Variants in PLD5 observed in about 807,000 individuals in gnomAD.
PLD5 encodes the protein phospholipase D family member 5.
Under a neutral mutation model 61.1 loss-of-function variants are expected in PLD5, and 36 were observed. The ratio of observed to expected loss-of-function variants is 0.59; its 90% CI spans 0.45 to 0.78. The LOEUF (loss-of-function observed/expected upper bound fraction) is 0.78. Among genes scored for constraint, PLD5 ranks in the 30% least tolerant of loss-of-function variants. The pLI is 0.00. For missense variants in PLD5, 515 were observed against 644.4 expected, an observed-to-expected ratio of 0.80 and a Z score of 2.17; for synonymous variants, 243 against 242.8, an observed-to-expected ratio of 1.00 and a Z score of -0.01.
chr1:242,210,444 G>T (rs1254884211), intron 5 of PLD5: 1 of 156,298 alleles, frequency 6.4e-6, no homozygotes, highest in African/African-American at 2.4e-5. Flanking sequence ...CTTAACTGAT[G>T]ACATTCCACC....
At chr1:242,501,790 T>TTATATATATA (rs10648981) in intron 1 of PLD5, among the ~76,000 whole-genome samples, 36 of 147,202 alleles carry the variant, frequency 2.4e-4, no homozygotes, top group East Asian at 2.0e-3. Flanking sequence ...TAATATTCCA[T>TTATATATATA]TATATATATA....
rs1236762289 is a variant in PLD5, at chr1:242,215,189, ATACATCTTCTTTT to A, written c.735+4786_735+4798del. ...AGGTGTGAGCCACCGTGCCCAGCCT[ATACATCTTCTTTT>A]AACTTTTGCATTTATATGATGGCCC... On this transcript the variant is annotated intron_variant, in intron 5 of 9. Coordinates refer to ENST00000536534, the MANE Select transcript of PLD5 (RefSeq NM_001372062.1). 1.0e-4 allele frequency among the ~76,000 whole-genome samples: 15 copies of A among 149,078 alleles called. No individual in the cohort carries two copies. The Admixed American group carries it at 1.0e-3, about 10-fold the overall frequency.
chr1:242,300,835 A>G (rs1675998249), intron 2 of PLD5, among the ~76,000 whole-genome samples: 1 of 152,088 alleles, frequency 6.6e-6, no homozygotes, highest in Admixed American at 6.6e-5. Flanking sequence ...AGCTTGAACC[A>G]CCGTGTGAAT....
chr1:242,139,471 T>A (rs1390157386), intron 5 of PLD5, among the ~76,000 whole-genome samples: 1 of 152,050 alleles, frequency 6.6e-6, no homozygotes, highest in Non-Finnish European at 1.5e-5. Flanking sequence ...GCTCTCGAAC[T>A]GCTTCCTGTG....
At chr1:242,484,828 G>A (rs182090814) in intron 1 of PLD5, among the ~76,000 whole-genome samples, 40 of 152,208 alleles carry the variant, frequency 2.6e-4, no homozygotes, top group Admixed American at 1.4e-3. Context: ...CTGGCAAACC[G>A]AATCCAACAG....
chr1:242,301,414 T>C (rs1173938999), intron 2 of PLD5, among the ~76,000 whole-genome samples: 1 of 152,086 alleles, frequency 6.6e-6, no homozygotes, highest in Admixed American at 6.5e-5. Flanking sequence ...GGCAAAAGGA[T>C]TATTTTGAGC....
chr1:242,241,991 C>CTATATATATATATA (rs71579089), intron 4 of PLD5, among the ~76,000 whole-genome samples: 1 of 115,318 alleles, frequency 8.7e-6, no homozygotes, highest in African/African-American at 3.3e-5. Context: ...TATATACTTA[C>CTATATATATATATA]TATATATATA....
At position 242,112,321 on chromosome 1, in the gene PLD5, G is replaced by GTA. The variant is rs1310365523; in HGVS notation, c.1070+1568_1070+1569insTA. On this transcript the variant is annotated intron_variant, in intron 7 of 9. Transcript: ENST00000536534. ...TGTGTGTGTGTGTGTGTGTGTGTGT[G>GTA]TGTATGTATGTATATGTGTATATAT... 2.1e-4 allele frequency among the ~76,000 whole-genome samples: 17 copies of GTA among 82,514 alleles called. No individual in the cohort carries two copies. In the South Asian group the frequency reaches 5.7e-3, roughly 28 times the overall value. 54.1% of individuals were successfully genotyped at this position (82,514 alleles called of 152,430 possible).
intron 1 of PLD5, among the ~76,000 whole-genome samples, chr1:242,418,682 C>T (rs73133719): frequency 0.048 from 7,237 of 152,194 alleles, 414 homozygotes; most frequent in African/African-American, 0.13. Context: ...CAACTGAGAA[C>T]GTGTGGGCTT....
At chr1:242,245,762 T>G (rs1376650084) in intron 4 of PLD5, among the ~76,000 whole-genome samples, 1 of 152,138 alleles carries the variant, frequency 6.6e-6, no homozygotes, top group South Asian at 2.1e-4. Context: ...GGCTGCATAT[T>G]CCAAGCACAG....
At chr1:242,186,118 A>G (rs776641597) in intron 5 of PLD5, among the ~76,000 whole-genome samples, 3 of 152,128 alleles carry the variant, frequency 2.0e-5, no homozygotes, top group Non-Finnish European at 4.4e-5. Flanking sequence ...GGTTGCTCAT[A>G]TACTACAGGC....
intron 2 of PLD5, among the ~76,000 whole-genome samples, chr1:242,296,338 C>G (rs1003840006): frequency 1.3e-5 from 2 of 152,198 alleles, no homozygotes; most frequent in Non-Finnish European, 2.9e-5. Context: ...CCTGTTTATG[C>G]TGCTGATTGT....
chr1:242,183,843 A>C (rs546615858), intron 5 of PLD5, among the ~76,000 whole-genome samples: 6 of 152,266 alleles, frequency 3.9e-5, no homozygotes, highest in Non-Finnish European at 7.4e-5. Context: ...CGCAGTGAGC[A>C]GAGATCGCGC....
At chr1:242,428,918 G>A (rs2102885046) in intron 1 of PLD5, among the ~76,000 whole-genome samples, 1 of 152,304 alleles carries the variant, frequency 6.6e-6, no homozygotes, top group East Asian at 1.9e-4. Context: ...AGCAGTCATT[G>A]CCCTCGGTGA....
At chr1:242,456,438 T>C (rs960966518) in intron 1 of PLD5, among the ~76,000 whole-genome samples, 5 of 152,232 alleles carry the variant, frequency 3.3e-5, no homozygotes, top group African/African-American at 1.2e-4. Flanking sequence ...ATGCCCATCA[T>C]TGCAGAACTT....
intron 1 of PLD5, among the ~76,000 whole-genome samples, chr1:242,437,927 C>T (rs7554313): frequency 0.045 from 6,792 of 152,262 alleles, 428 homozygotes; most frequent in African/African-American, 0.14. Context: ...GTATAAGATC[C>T]GGAGTTGTTA....
At chr1:242,382,075 G>A (rs1204764013) in intron 1 of PLD5, among the ~76,000 whole-genome samples, 5 of 151,256 alleles carry the variant, frequency 3.3e-5, no homozygotes, top group African/African-American at 1.2e-4. Flanking sequence ...AGGAGAAACA[G>A]TGGGTGATTC....
At position 242,088,625 on chromosome 1, in the gene PLD5, C is replaced by T. The variant is rs895901520; in HGVS notation, c.*1229G>A. ...CGGGAACAACATTGGAACTGGACAT[C>T]CCGGCCACCTGCTGTGGGCTCTGAA... is the stretch of plus-strand genomic sequence containing the variant. On this transcript the variant is annotated 3_prime_UTR_variant, in exon 10 of 10. Coordinates refer to ENST00000536534, the MANE Select transcript of PLD5 (RefSeq NM_001372062.1). 3 of 152,184 alleles carry T rather than the reference C, an allele frequency of 2.0e-5. No individual in the cohort carries two copies. Among genetic ancestry groups the T allele is most frequent in the African/African-American group, 7.2e-5 (3 of 41,442 alleles). The allele number at this position is 152,184 out of a possible 1,614,324, so 9.4% of individuals were successfully genotyped here. A position where few individuals can be genotyped will look rare whatever the true frequency, so the allele number is the denominator to read the frequency against.
At chr1:242,438,201 G>A (rs1349295334) in intron 1 of PLD5, among the ~76,000 whole-genome samples, 1 of 152,038 alleles carries the variant, frequency 6.6e-6, no homozygotes, top group Non-Finnish European at 1.5e-5. Flanking sequence ...GGTCCACTGG[G>A]GGTAATCTGT....
Sources: allele counts gnomAD v4.1 joint callset (sites outside exome capture counted in the v4.1 genomes callset), GRCh38; gene constraint gnomAD v4.1.1; transcripts MANE v1.5; gene names NCBI Gene and HGNC (gene_info 2026-07-23, HGNC 2026-07-21).